AP3S1: variants seen among roughly 807,000 people sequenced by gnomAD.
The protein encoded by AP3S1 is AP-3 complex subunit sigma-1.
Under a neutral mutation model 21.3 loss-of-function variants are expected in AP3S1, and 12 were observed. That is an observed-to-expected ratio of 0.56 (90% CI 0.36 to 0.91). The LOEUF (loss-of-function observed/expected upper bound fraction) is 0.91, where lower values mean the gene tolerates loss of function less well. AP3S1 is among the 40% of genes least tolerant of loss of function. AP3S1 has a pLI of 0.01. For synonymous variants in AP3S1, 48 were observed against 78.4 expected (o/e 0.61, Z 2.05); for missense variants, 116 against 225.0 (o/e 0.52, Z 3.10).
At chr5:115,912,670 C>G (rs185514283) in intron 5 of AP3S1, among the ~76,000 whole-genome samples, 51 of 152,070 alleles carry the variant, frequency 3.4e-4, no homozygotes, top group African/African-American at 1.2e-3. Context: ...TGCTATATGA[C>G]AAAACATTTT....
At chr5:115,871,564 C>G (rs756391876) in intron 3 of AP3S1, among the ~76,000 whole-genome samples, 1 of 152,002 alleles carries the variant, frequency 6.6e-6, no homozygotes, top group Non-Finnish European at 1.5e-5. Context: ...ATTTTTTTCA[C>G]TCTGATTTTA....
At chr5:115,848,016 TGTAAA>T (rs1378132513) in intron 1 of AP3S1, among the ~76,000 whole-genome samples, 1 of 152,210 alleles carries the variant, frequency 6.6e-6, no homozygotes, top group East Asian at 1.9e-4. Context: ...AATATTTAAT[TGTAAA>T]GGAGGAAATA....
At chr5:115,868,721 A>C (rs762319516) in intron 2 of AP3S1, among the ~76,000 whole-genome samples, 5 of 151,734 alleles carry the variant, frequency 3.3e-5, no homozygotes, top group Non-Finnish European at 7.4e-5. Flanking sequence ...ATCTCTACTA[A>C]AAGTACAAAA....
chr5:115,869,088 A>G (rs1465306454), intron 2 of AP3S1, among the ~76,000 whole-genome samples: 3 of 152,164 alleles, frequency 2.0e-5, no homozygotes, highest in African/African-American at 7.2e-5. Flanking sequence ...TCTTTTAAGA[A>G]GGTGAATTCA....
At chr5:115,846,933 A>G (rs1376924233) in intron 1 of AP3S1, among the ~76,000 whole-genome samples, 1 of 152,244 alleles carries the variant, frequency 6.6e-6, no homozygotes, top group East Asian at 1.9e-4. Flanking sequence ...CATTATAGGA[A>G]GTGCAGAGTA....
intron 4 of AP3S1, among the ~76,000 whole-genome samples, chr5:115,895,793 G>T (rs779329096): frequency 5.3e-5 from 8 of 152,150 alleles, no homozygotes; most frequent in Admixed American, 1.3e-4. Context: ...TATTGCAGTA[G>T]TCCAGAAGGA....
At chr5:115,852,937 A>G in intron 1 of AP3S1, 1 of 438,748 alleles carries the variant, frequency 2.3e-6, no homozygotes, top group Non-Finnish European at 4.6e-6. Flanking sequence ...ATGAACATTC[A>G]TGTATGAATT....
rs1226242737 is a variant in AP3S1 at position 115,906,523 on chromosome 5, T to A, written c.453+3531T>A. Among the ~76,000 whole-genome samples, 3 of 152,136 alleles carry A rather than the reference T, an allele frequency of 2.0e-5. No individual in the cohort carries two copies. In the East Asian group the frequency reaches 5.8e-4, roughly 29 times the overall value. ...TGTATTTCCATCTATTCTATTTTGA[T>A]AGAAAAATGGTTTACTATAACATTG... On this transcript the variant is annotated intron_variant, in intron 5 of 5. Coordinates refer to ENST00000316788, the MANE Select transcript of AP3S1 (RefSeq NM_001284.4).
intron 1 of AP3S1, among the ~76,000 whole-genome samples, chr5:115,859,248 C>T (rs369509724): frequency 2.0e-5 from 3 of 152,312 alleles, no homozygotes; most frequent in South Asian, 2.1e-4. Flanking sequence ...CATGACTTAA[C>T]GTAATACAAG....
intron 1 of AP3S1, among the ~76,000 whole-genome samples, chr5:115,846,977 A>G (rs1356345159): frequency 2.0e-5 from 3 of 152,204 alleles, no homozygotes; most frequent in Non-Finnish European, 4.4e-5. Context: ...GATTCAGCAA[A>G]TCAATGACTT....
chr5:115,872,611 G>A (rs1580670880), intron 3 of AP3S1, among the ~76,000 whole-genome samples: 2 of 152,278 alleles, frequency 1.3e-5, no homozygotes, highest in East Asian at 3.9e-4. Flanking sequence ...GGTGCCCCAA[G>A]ATCCCTTGGG....
intron 2 of AP3S1, among the ~76,000 whole-genome samples, chr5:115,869,446 C>T (rs895899023): frequency 1.3e-5 from 2 of 152,148 alleles, no homozygotes; most frequent in Non-Finnish European, 2.9e-5. Context: ...ACTTCTCTGA[C>T]TTTATCATTT....
At chr5:115,895,961 G>C (rs575738564) in intron 4 of AP3S1, among the ~76,000 whole-genome samples, 1 of 152,230 alleles carries the variant, frequency 6.6e-6, no homozygotes, top group Admixed American at 6.5e-5. Flanking sequence ...TTTGTGATAC[G>C]GAACTTAGGA....
intron 1 of AP3S1, among the ~76,000 whole-genome samples, chr5:115,854,422 G>T (rs1355475948): frequency 6.6e-6 from 1 of 152,120 alleles, no homozygotes; most frequent in Non-Finnish European, 1.5e-5. Context: ...ATATCTTGGA[G>T]AGTTCTAATT....
chr5:115,899,412 A>G (rs1203960838), intron 4 of AP3S1, among the ~76,000 whole-genome samples: 2 of 152,188 alleles, frequency 1.3e-5, no homozygotes, highest in Non-Finnish European at 2.9e-5. Flanking sequence ...GAAAAGAACT[A>G]CTGGAGAAGA....
intron 3 of AP3S1, among the ~76,000 whole-genome samples, chr5:115,876,493 G>A (rs1218932677): frequency 6.6e-6 from 1 of 152,094 alleles, no homozygotes; most frequent in African/African-American, 2.4e-5. Flanking sequence ...GGACATGGTG[G>A]AGAGACTCCC....
chr5:115,861,491 A>G (rs1160914602), intron 1 of AP3S1, among the ~76,000 whole-genome samples: 1 of 152,172 alleles, frequency 6.6e-6, no homozygotes, highest in Non-Finnish European at 1.5e-5. Context: ...ATTTATTTCT[A>G]AGTTTTTTAT....
intron 3 of AP3S1, among the ~76,000 whole-genome samples, chr5:115,880,773 T>C (rs1330500593): frequency 6.6e-6 from 1 of 152,172 alleles, no homozygotes; most frequent in Non-Finnish European, 1.5e-5. Flanking sequence ...TTCTGTCTTG[T>C]GGATCTGTCT....
intron 3 of AP3S1, among the ~76,000 whole-genome samples, chr5:115,888,274 A>T (rs1749970629): frequency 6.6e-6 from 1 of 152,052 alleles, no homozygotes; most frequent in Admixed American, 6.5e-5. Context: ...CTACTTGTGA[A>T]ATAATAATGC....
Sources: gnomAD v4.1 joint callset for allele counts (sites outside exome capture counted in the v4.1 genomes callset) on GRCh38, gnomAD v4.1.1 for gene constraint, MANE v1.5 for transcripts, NCBI Gene and HGNC (gene_info 2026-07-23, HGNC 2026-07-21) for gene names.